NRXN1: variants seen among roughly 807,000 people sequenced by gnomAD.
The protein encoded by NRXN1 is neurexin 1, also known as neurexin-1.
In NRXN1, 39 loss-of-function variants were observed where a neutral mutation model predicts 150.9. The ratio of observed to expected loss-of-function variants is 0.26; its 90% confidence interval spans 0.20 to 0.34. NRXN1 has a LOEUF of 0.34. Ranked by LOEUF, NRXN1 falls within the 10% of genes least tolerant of loss-of-function variation. The pLI is 1.00. For missense variants in NRXN1, 1,815 were observed against 1,949.9 expected (o/e 0.93, Z 1.30); for synonymous variants, 924 against 757.0 (o/e 1.22, Z -3.62).
At chr2:50,976,059 A>G (rs547393934) in intron 2 of NRXN1, among the ~76,000 whole-genome samples, 66 of 151,978 alleles carry the variant, frequency 4.3e-4, no homozygotes, top group Non-Finnish European at 7.1e-4. Context: ...GTCCTTTGGC[A>G]TTGCTCCCAA....
At chr2:50,342,545 C>T (rs2077623798) in intron 17 of NRXN1, among the ~76,000 whole-genome samples, 1 of 152,198 alleles carries the variant, frequency 6.6e-6, no homozygotes, top group African/African-American at 2.4e-5. Context: ...AGGGATTACT[C>T]TATGAAACAT....
intron 5 of NRXN1, among the ~76,000 whole-genome samples, chr2:50,843,153 A>G (rs1222847935): frequency 6.6e-6 from 1 of 152,192 alleles, no homozygotes; most frequent in East Asian, 1.9e-4. Flanking sequence ...GGACCCAGGG[A>G]CAAGAAACCT....
Position 50,690,909 on chromosome 2 carries a change from T to C in NRXN1, c.833-67294A>G, listed in dbSNP as rs551847001. Among the ~76,000 whole-genome samples the C allele has an allele frequency of 4.6e-5, 7 of 152,356 alleles. No individual in the cohort carries two copies. The South Asian group carries it at 1.4e-3, about 32-fold the overall frequency. Reference sequence around the variant, plus strand: ...CACTGACCCACTGTGCTCTCAGTATTATCCATGTGAAATATCTGCCCCCTC... The same window carrying C: ...CACTGACCCACTGTGCTCTCAGTATCATCCATGTGAAATATCTGCCCCCTC... On this transcript the variant is annotated intron_variant, in intron 5 of 22. Coordinates refer to ENST00000401669, the MANE Select transcript of NRXN1 (RefSeq NM_001330078.2).
At chr2:50,728,109 T>C (rs573997450) in intron 5 of NRXN1, among the ~76,000 whole-genome samples, 1 of 152,292 alleles carries the variant, frequency 6.6e-6, no homozygotes, top group South Asian at 2.1e-4. Context: ...TTAGATGTAG[T>C]GACATTGTGC....
chr2:51,013,950 ATTT>A (rs1668283355), intron 2 of NRXN1, among the ~76,000 whole-genome samples: 3 of 151,916 alleles, frequency 2.0e-5, no homozygotes, highest in Non-Finnish European at 1.5e-5. Context: ...TGCTATCAAG[ATTT>A]TTCCCTTTAT....
In NRXN1 at chr2:50,606,155, C is replaced by G. The variant is rs1253332960; in HGVS notation, c.1320+13867G>C. On this transcript the variant is annotated intron_variant, in intron 8 of 22. Coordinates refer to ENST00000401669, the MANE Select transcript of NRXN1 (RefSeq NM_001330078.2). The stretch of plus-strand genomic sequence containing the variant: ...ATCCCAGCTACCTGGCAGGCTGAGG[C>G]AGAAGAATGGTTGAACCCGGGAGGT... Among the ~76,000 whole-genome samples the G allele has an allele frequency of 3.4e-5, 5 of 145,552 alleles. No individual in the cohort carries two copies. The Admixed American group carries it at 3.6e-4, about 11-fold the overall frequency.
At chr2:50,693,042 A>T (rs1692293161) in intron 5 of NRXN1, among the ~76,000 whole-genome samples, 4 of 152,140 alleles carry the variant, frequency 2.6e-5, no homozygotes, top group Admixed American at 2.6e-4. Flanking sequence ...TACCTACTGG[A>T]TGCAAAGTCG....
At chr2:50,027,429 C>CGTT (rs1034783119) in intron 21 of NRXN1, among the ~76,000 whole-genome samples, 2 of 149,134 alleles carry the variant, frequency 1.3e-5, no homozygotes, top group Non-Finnish European at 3.0e-5. Flanking sequence ...TCCCTTCCTC[C>CGTT]GTTCTTTCCT....
At chr2:50,373,690 G>GGAAGGAAAGAAA (rs1168453652) in intron 17 of NRXN1, among the ~76,000 whole-genome samples, 1 of 91,678 alleles carries the variant, frequency 1.1e-5, no homozygotes, top group African/African-American at 4.9e-5. Flanking sequence ...AAAGAAAGAA[G>GGAAGGAAAGAAA]GAAAGAAAGA....
At chr2:49,949,596 T>C (rs1476146806) in intron 21 of NRXN1, among the ~76,000 whole-genome samples, 1 of 150,236 alleles carries the variant, frequency 6.7e-6, no homozygotes, top group African/African-American at 2.5e-5. Context: ...GGATATTCAT[T>C]GTCAGTATAT....
intron 8 of NRXN1, among the ~76,000 whole-genome samples, chr2:50,610,754 TTATATA>T (rs5831144): frequency 3.1e-5 from 4 of 127,944 alleles, no homozygotes; most frequent in African/African-American, 8.6e-5. Context: ...GTAATTATAT[TTATATA>T]TATATATATA....
At chr2:50,981,099 G>A (rs1696713967) in intron 2 of NRXN1, among the ~76,000 whole-genome samples, 1 of 151,968 alleles carries the variant, frequency 6.6e-6, no homozygotes. Context: ...CTTCTGTTGA[G>A]GCAGGAACTA....
intron 5 of NRXN1, among the ~76,000 whole-genome samples, chr2:50,889,809 C>T (rs76247221): frequency 1.3e-5 from 2 of 151,502 alleles, no homozygotes; most frequent in Non-Finnish European, 3.0e-5. Flanking sequence ...CATTCATAAA[C>T]ATAACTGCAT....
intron 2 of NRXN1, among the ~76,000 whole-genome samples, chr2:50,977,270 G>T (rs1447145283): frequency 4.0e-5 from 6 of 151,792 alleles, no homozygotes; most frequent in Admixed American, 3.3e-4. Flanking sequence ...TTGGGGGTCA[G>T]AGATAATAAT....
Position 50,499,486 on chromosome 2 carries a change from T to G in NRXN1, c.2498-1772A>C, listed in dbSNP as rs144994115. Among the ~76,000 whole-genome samples the G allele has an allele frequency of 3.9e-5, 6 of 152,310 alleles. No individual in the cohort carries two copies. In the East Asian group the frequency reaches 1.2e-3, roughly 29 times the overall value. ...ATTCTGGTTTCTCCTGTGACATCAT[T>G]TCTATCTTCTCCCCCAGTTCTTCTT... On this transcript the variant is annotated intron_variant, in intron 13 of 22. Coordinates refer to ENST00000401669, the MANE Select transcript of NRXN1 (RefSeq NM_001330078.2).
At position 50,407,489 on chromosome 2, in the gene NRXN1, T is replaced by C. The variant is rs528591826; in HGVS notation, c.3364+57953A>G. 7.2e-5 allele frequency among the ~76,000 whole-genome samples: 11 copies of C among 152,156 alleles called. 1 individual carries two copies. In the South Asian group the frequency reaches 2.3e-3, roughly 32 times the overall value. On this transcript the variant is annotated intron_variant, in intron 17 of 22. Transcript: ENST00000401669. ...CCTAAAGACTCCTATGGCTTGAATATGTGTCCCCTCCAAAACTCACGTTGA... is the reference window on the plus strand; with the variant it reads ...CCTAAAGACTCCTATGGCTTGAATACGTGTCCCCTCCAAAACTCACGTTGA...
chr2:50,488,997 T>C (rs2091069025), intron 15 of NRXN1, among the ~76,000 whole-genome samples: 1 of 152,166 alleles, frequency 6.6e-6, no homozygotes, highest in Non-Finnish European at 1.5e-5. Flanking sequence ...TGCAGGTACT[T>C]GCTGCTCCAA....
intron 17 of NRXN1, among the ~76,000 whole-genome samples, chr2:50,361,539 T>TAC (rs2079190513): frequency 1.3e-5 from 2 of 152,132 alleles, no homozygotes; most frequent in Admixed American, 1.3e-4. Context: ...CCTGGATATA[T>TAC]ACACCCTCCG....
At chr2:50,924,402 T>G (rs1340116621) in intron 3 of NRXN1, among the ~76,000 whole-genome samples, 2 of 151,648 alleles carry the variant, frequency 1.3e-5, no homozygotes, top group Non-Finnish European at 3.0e-5. Context: ...GATGAGTGTG[T>G]GTGAAAAGAG....
Sources: gnomAD v4.1 joint callset for allele counts (sites outside exome capture counted in the v4.1 genomes callset) on GRCh38, gnomAD v4.1.1 for gene constraint, MANE v1.5 for transcripts, NCBI Gene and HGNC (gene_info 2026-07-23, HGNC 2026-07-21) for gene names.